The following VRK2 variants were observed in gnomAD, a reference collection of about 807,000 sequenced individuals.
VRK2 encodes the protein VRK serine/threonine kinase 2, also known as serine/threonine-protein kinase VRK2.
VRK2 carries 60 observed loss-of-function variants against 57.6 expected under a neutral mutation model. That is an observed-to-expected ratio of 1.04 (90% CI 0.85 to 1.29). The LOEUF is 1.29. Ranked by LOEUF, VRK2 falls within the 50% of genes most tolerant of loss-of-function variation. VRK2 has a pLI of 0.00. For synonymous variants in VRK2, 231 were observed against 199.2 expected, an observed-to-expected ratio of 1.16 and a Z score of -1.35; for missense variants, 705 against 588.1, an observed-to-expected ratio of 1.20 and a Z score of -2.06.
chr2:58,113,377 A>T (rs1202105214), intron 7 of VRK2, among the ~76,000 whole-genome samples: 1 of 151,898 alleles, frequency 6.6e-6, no homozygotes, highest in African/African-American at 2.4e-5. Flanking sequence ...CAGATGATGG[A>T]ACTTCAGAGA....
chr2:57,921,518 T>A (rs887730448), intron 1 of VRK2, among the ~76,000 whole-genome samples: 1 of 152,040 alleles, frequency 6.6e-6, no homozygotes, highest in African/African-American at 2.4e-5. Context: ...TTCTGAATTT[T>A]CCCAGCAATG....
intron 7 of VRK2, among the ~76,000 whole-genome samples, chr2:58,112,576 GA>G (rs35166006): frequency 7.3e-4 from 103 of 140,284 alleles, no homozygotes; most frequent in Admixed American, 1.1e-3. Flanking sequence ...ATAGTAACAG[GA>G]AAAAAAAAAA....
At chr2:57,964,164 T>G (rs1446611140) in intron 1 of VRK2, among the ~76,000 whole-genome samples, 1 of 152,218 alleles carries the variant, frequency 6.6e-6, no homozygotes, top group Non-Finnish European at 1.5e-5. Flanking sequence ...TAGAAACTAA[T>G]AGCTTACTGT....
At chr2:58,134,005 T>TA (rs2104553453) in intron 9 of VRK2, among the ~76,000 whole-genome samples, 1 of 152,250 alleles carries the variant, frequency 6.6e-6, no homozygotes, top group African/African-American at 2.4e-5. Flanking sequence ...CAGAGAGCAA[T>TA]ACCCCAAAGT....
At chr2:57,966,748 C>T (rs1414485922) in intron 1 of VRK2, among the ~76,000 whole-genome samples, 2 of 152,074 alleles carry the variant, frequency 1.3e-5, no homozygotes, top group East Asian at 1.9e-4. Flanking sequence ...TATGAATCCT[C>T]TAGAATTATT....
At chr2:58,122,008 T>C (rs1413804211) in intron 7 of VRK2, among the ~76,000 whole-genome samples, 1 of 152,242 alleles carries the variant, frequency 6.6e-6, no homozygotes, top group Non-Finnish European at 1.5e-5. Flanking sequence ...CTTGAATTGC[T>C]ATCTGACTTT....
chr2:58,114,493 G>A (rs1676112187), intron 7 of VRK2, among the ~76,000 whole-genome samples: 1 of 152,230 alleles, frequency 6.6e-6, no homozygotes, highest in African/African-American at 2.4e-5. Context: ...ATAAAAAGGA[G>A]CGTCTATACA....
exon 3 of VRK2, chr2:58,033,507 C>T (rs752659738): frequency 6.6e-6 from 1 of 152,004 alleles, no homozygotes; most frequent in Non-Finnish European, 1.5e-5. Flanking sequence ...CAAGAAGGAA[C>T]ACAGCCCTGC....
rs1572897937 is a variant in VRK2, at chr2:57,951,121, G to A, written c.-439+43282G>A. Among the ~76,000 whole-genome samples, 3 of 152,138 alleles carry A rather than the reference G, an allele frequency of 2.0e-5. No individual in the cohort carries two copies. In the South Asian group the frequency reaches 6.2e-4, roughly 32 times the overall value. ...AAAAATAATAAATAAATAAACATTG[G>A]TGATTCATGGGAGGAGTTCAAAATA... On this transcript the variant is annotated intron_variant, in intron 1 of 15. Transcript: ENST00000417641.
At chr2:58,119,635 G>A (rs903132221) in intron 7 of VRK2, among the ~76,000 whole-genome samples, 2 of 151,544 alleles carry the variant, frequency 1.3e-5, no homozygotes, top group African/African-American at 2.4e-5. Context: ...ACTCACCAAA[G>A]GCAGTCATTC....
At chr2:57,961,895 G>A (rs1352592336) in intron 1 of VRK2, among the ~76,000 whole-genome samples, 2 of 152,062 alleles carry the variant, frequency 1.3e-5, no homozygotes, top group African/African-American at 4.8e-5. Flanking sequence ...CTGGCAACAT[G>A]GTGAAACCCT....
At chr2:58,039,818 AT>A (rs1269185969) in intron 3 of VRK2, among the ~76,000 whole-genome samples, 1 of 152,068 alleles carries the variant, frequency 6.6e-6, no homozygotes, top group Non-Finnish European at 1.5e-5. Flanking sequence ...ATTTTTAAAA[AT>A]TTTTTATGGG....
intron 2 of VRK2, among the ~76,000 whole-genome samples, chr2:58,073,820 A>C (rs543371559): frequency 1.0e-3 from 157 of 152,050 alleles, no homozygotes; most frequent in Middle Eastern, 3.4e-3. Flanking sequence ...CGAGGGCAGG[A>C]AGCATCCAGC....
intron 1 of VRK2, among the ~76,000 whole-genome samples, chr2:57,920,743 T>G (rs997913036): frequency 6.6e-6 from 1 of 152,044 alleles, no homozygotes; most frequent in Non-Finnish European, 1.5e-5. Flanking sequence ...ACCTACTACT[T>G]TCAGTACCTA....
At chr2:57,936,880 A>G (rs1273606288) in intron 1 of VRK2, among the ~76,000 whole-genome samples, 1 of 152,220 alleles carries the variant, frequency 6.6e-6, no homozygotes, top group Non-Finnish European at 1.5e-5. Context: ...AAACTCTAAC[A>G]CTTCTGGATT....
chr2:58,117,414 G>A (rs534758973), intron 7 of VRK2, among the ~76,000 whole-genome samples: 3 of 152,260 alleles, frequency 2.0e-5, no homozygotes, highest in Admixed American at 6.5e-5. Flanking sequence ...CAGGGTGGAG[G>A]AGCAGAGGCT....
chr2:57,978,367 T>G (rs1480319499), intron 1 of VRK2, among the ~76,000 whole-genome samples: 1 of 151,098 alleles, frequency 6.6e-6, no homozygotes, highest in Non-Finnish European at 1.5e-5. Flanking sequence ...ATGCTTTACT[T>G]TCGATTTGCC....
At chr2:57,915,156 C>A (rs1670106567) in intron 1 of VRK2, among the ~76,000 whole-genome samples, 1 of 152,026 alleles carries the variant, frequency 6.6e-6, no homozygotes, top group Admixed American at 6.6e-5. Context: ...GGAATAGTTA[C>A]CTCAAAACCA....
Position 58,133,081 on chromosome 2 carries a change from CTATTTTAAAAAACTAACATTT to C in VRK2, c.797+1156_797+1176del, listed in dbSNP as rs1679449144. Among the ~76,000 whole-genome samples, 6 of 152,028 alleles carry C rather than the reference CTATTTTAAAAAACTAACATTT, an allele frequency of 3.9e-5. No individual in the cohort carries two copies. In the South Asian group the frequency reaches 1.2e-3, roughly 32 times the overall value. On this transcript the variant is annotated intron_variant, in intron 9 of 12. Transcript: ENST00000340157. ...AGAATACTGTAATAAAGTAATGATG[CTATTTTAAAAAACTAACATTT>C]TAATTCTAATGATTATATATTTGTT...
Sources: allele counts gnomAD v4.1 joint callset (sites outside exome capture counted in the v4.1 genomes callset), GRCh38; gene constraint gnomAD v4.1.1; transcripts MANE v1.5; gene names NCBI Gene and HGNC (gene_info 2026-07-23, HGNC 2026-07-21).